Variants in ANKS1B observed in about 807,000 individuals in gnomAD.
ANKS1B encodes the protein ankyrin repeat and sterile alpha motif domain containing 1B.
Under a neutral mutation model 148.3 loss-of-function variants are expected in ANKS1B, and 36 were observed. That is an observed-to-expected ratio of 0.24 (90% CI 0.19 to 0.32). The LOEUF is 0.32. Ranked by LOEUF, ANKS1B falls within the 10% of genes least tolerant of loss-of-function variation. The pLI, the probability that ANKS1B is intolerant of heterozygous loss-of-function variation, is 1.00. For synonymous variants in ANKS1B, 542 were observed against 560.8 expected (o/e 0.97, Z 0.47); for missense variants, 1,157 against 1,542.6 (o/e 0.75, Z 4.19).
At chr12:98,812,272 G>T (rs1480194774) in intron 19 of ANKS1B, among the ~76,000 whole-genome samples, 1 of 152,106 alleles carries the variant, frequency 6.6e-6, no homozygotes, top group Non-Finnish European at 1.5e-5. Flanking sequence ...GGTATGTTTA[G>T]ATACACAAAT....
At chr12:99,034,324 A>T (rs900388371) in intron 17 of ANKS1B, among the ~76,000 whole-genome samples, 3 of 148,226 alleles carry the variant, frequency 2.0e-5, no homozygotes, top group South Asian at 2.1e-4. Flanking sequence ...TAATTATTTT[A>T]TTTTTTTTTT....
In ANKS1B at chr12:98,794,392, CAAAAAAAAAAAA is replaced by C. The variant is rs571692746; in HGVS notation, c.3342+4530_3342+4541del. 1.9e-3 allele frequency: 164 copies of C among 84,146 alleles called. 1 individual carries two copies. The highest frequency in any genetic ancestry group is 4.7e-3 in the African/African-American group (67 of 14,220). 5.2% of individuals were successfully genotyped at this position (84,146 alleles called of 1,614,324 possible). A position where few individuals can be genotyped will look rare whatever the true frequency, so the allele number is the denominator to read the frequency against. Reference sequence around the variant, plus strand: ...GGGTGACAAGAGCGAAACTCTGTCTCAAAAAAAAAAAAAAAAAAAAAAAAAAAAAAAGACTTC... The same window carrying C: ...GGGTGACAAGAGCGAAACTCTGTCTCAAAAAAAAAAAAAAAAAAAGACTTC... On this transcript the variant is annotated intron_variant, in intron 22 of 26. Transcript: ENST00000683438.
chr12:99,335,418 A>G (rs1272330391), intron 12 of ANKS1B, among the ~76,000 whole-genome samples: 1 of 151,676 alleles, frequency 6.6e-6, no homozygotes, highest in Non-Finnish European at 1.5e-5. Context: ...GACTATAGTC[A>G]CCCTGTTTTG....
chr12:99,724,954 A>G (rs1241305019), intron 8 of ANKS1B, among the ~76,000 whole-genome samples: 2 of 152,180 alleles, frequency 1.3e-5, no homozygotes, highest in African/African-American at 4.8e-5. Context: ...ACAAGCAAAT[A>G]CTGAGGGATT....
At chr12:98,794,434 C>G (rs2098928568) in intron 22 of ANKS1B, 2 of 194,964 alleles carry the variant, frequency 1.0e-5, no homozygotes, top group South Asian at 1.5e-4. Flanking sequence ...GACTTCCTCT[C>G]AAGCTTGGCA....
intron 17 of ANKS1B, chr12:98,954,272 C>T (rs879747928): frequency 4.6e-5 from 7 of 152,188 alleles, no homozygotes; most frequent in Non-Finnish European, 1.0e-4. Context: ...ATCTCTGAAA[C>T]ACAATTTCAT....
At chr12:99,049,171 T>C (rs926089828) in intron 17 of ANKS1B, 5 of 152,206 alleles carry the variant, frequency 3.3e-5, no homozygotes, top group African/African-American at 1.2e-4. Flanking sequence ...AACCTTTTAC[T>C]TAAAATAATT....
intron 8 of ANKS1B, among the ~76,000 whole-genome samples, chr12:99,734,706 G>A (rs1015226377): frequency 2.6e-5 from 4 of 152,146 alleles, no homozygotes; most frequent in Non-Finnish European, 4.4e-5. Flanking sequence ...AGTAGGTGCT[G>A]TATCAGCTAT....
chr12:99,233,052 T>C (rs1297903754), intron 14 of ANKS1B, among the ~76,000 whole-genome samples: 1 of 152,062 alleles, frequency 6.6e-6, no homozygotes, highest in African/African-American at 2.4e-5. Flanking sequence ...AAATTTTGTT[T>C]TGTGCACAAA....
At chr12:99,603,095 G>A (rs561503784) in intron 9 of ANKS1B, among the ~76,000 whole-genome samples, 2 of 152,184 alleles carry the variant, frequency 1.3e-5, no homozygotes, top group African/African-American at 2.4e-5. Flanking sequence ...AGGCTGGAGT[G>A]CAGTGGTGTG....
chr12:98,823,087 C>T (rs950490986), intron 19 of ANKS1B, among the ~76,000 whole-genome samples: 3 of 152,186 alleles, frequency 2.0e-5, no homozygotes, highest in East Asian at 1.9e-4. Context: ...AGTATGGAAG[C>T]GCTATTTTCC....
chr12:98,889,570 C>G (rs2099747832), intron 17 of ANKS1B, among the ~76,000 whole-genome samples: 1 of 152,206 alleles, frequency 6.6e-6, no homozygotes, highest in African/African-American at 2.4e-5. Context: ...TGGTTTCAAA[C>G]TCCGGGGCTC....
chr12:99,689,462 C>T (rs1385757037), intron 8 of ANKS1B, among the ~76,000 whole-genome samples: 1 of 152,176 alleles, frequency 6.6e-6, no homozygotes, highest in Non-Finnish European at 1.5e-5. Flanking sequence ...GTATATTAAT[C>T]CTCCCCTCAC....
intron 9 of ANKS1B, among the ~76,000 whole-genome samples, chr12:99,561,098 G>A (rs181128455): frequency 6.6e-6 from 1 of 152,012 alleles, no homozygotes; most frequent in Admixed American, 6.6e-5. Context: ...CACCCGCCTC[G>A]GCCTCCCAAA....
chr12:99,322,428 C>T (rs2085453769), intron 12 of ANKS1B, among the ~76,000 whole-genome samples: 1 of 146,004 alleles, frequency 6.8e-6, no homozygotes, highest in South Asian at 2.2e-4. Flanking sequence ...CACACGTATA[C>T]TCATGTAACA....
intron 1 of ANKS1B, among the ~76,000 whole-genome samples, chr12:99,947,251 A>G (rs1166565851): frequency 1.0e-5 from 1 of 100,148 alleles, no homozygotes; most frequent in African/African-American, 4.4e-5. Flanking sequence ...ATCATAAAGT[A>G]ATACAAAAAA....
intron 17 of ANKS1B, among the ~76,000 whole-genome samples, chr12:99,015,741 C>T (rs1221050520): frequency 2.0e-5 from 3 of 152,136 alleles, no homozygotes; most frequent in Non-Finnish European, 4.4e-5. Context: ...TGGCAGGCAC[C>T]TGTAGTTCCA....
intron 9 of ANKS1B, among the ~76,000 whole-genome samples, chr12:99,508,187 A>G (rs538611277): frequency 1.3e-5 from 2 of 151,992 alleles, no homozygotes; most frequent in African/African-American, 4.8e-5. Context: ...AGATTACCAC[A>G]ATTCATTTAC....
At chr12:99,103,913 C>T (rs2058576381) in intron 15 of ANKS1B, among the ~76,000 whole-genome samples, 1 of 152,178 alleles carries the variant, frequency 6.6e-6, no homozygotes, top group Non-Finnish European at 1.5e-5. Flanking sequence ...TTACTATATA[C>T]TTGCTAGCAA....
Sources: allele counts gnomAD v4.1 joint callset (sites outside exome capture counted in the v4.1 genomes callset), GRCh38; gene constraint gnomAD v4.1.1; transcripts MANE v1.5; gene names NCBI Gene and HGNC (gene_info 2026-07-23, HGNC 2026-07-21).